Variants in ARHGAP23 observed in about 807,000 individuals in gnomAD.
The protein encoded by ARHGAP23 is rho GTPase-activating protein 23.
A neutral mutation model predicts 136.3 loss-of-function variants in ARHGAP23; 34 were observed. The ratio of observed to expected loss-of-function variants is 0.25; its 90% CI spans 0.19 to 0.33. The LOEUF (loss-of-function observed/expected upper bound fraction) is 0.33. Ranked by LOEUF, ARHGAP23 falls within the 10% of genes least tolerant of loss-of-function variation. The pLI, the probability that ARHGAP23 is intolerant of heterozygous loss-of-function variation, is 1.00. For synonymous variants in ARHGAP23, 832 were observed against 920.5 expected (o/e 0.90, Z 1.74); for missense variants, 1,808 against 2,139.0 (o/e 0.85, Z 3.05).
rs2040761647 is a variant in ARHGAP23 at position 38,511,339 on chromosome 17, A to G, written c.*367A>G. On this transcript the variant is annotated 3_prime_UTR_variant, in exon 24 of 24. Transcript: ENST00000622683. ...AGGGAACCCCTAAGTTTCAGACTAA[A>G]GGAAAGATCCTGGGTGATGCTGGCT... 1 of 239,982 alleles carries G rather than the reference A, an allele frequency of 4.2e-6. No homozygotes were observed. The allele number at this position is 239,982 out of a possible 1,614,324, so 14.9% of individuals were successfully genotyped here.
At chr17:38,440,636 G>C (rs556822987) in intron 1 of ARHGAP23, among the ~76,000 whole-genome samples, 230 of 152,318 alleles carry the variant, frequency 1.5e-3, no homozygotes, top group African/African-American at 5.3e-3. Context: ...CCAGGCCCTT[G>C]GTGGCACCCA....
chr17:38,420,229 GC>G (rs1194592358), intron 1 of ARHGAP23, among the ~76,000 whole-genome samples: 2 of 152,196 alleles, frequency 1.3e-5, no homozygotes, highest in Admixed American at 6.5e-5. Context: ...CTGACTTGCA[GC>G]CCCCTGATCT....
chr17:38,424,313 A>G (rs879608730), upstream of ARHGAP23, among the ~76,000 whole-genome samples: 2 of 151,520 alleles, frequency 1.3e-5, no homozygotes, highest in African/African-American at 2.4e-5. Context: ...TCCCCACCCA[A>G]ACAGACACCT....
upstream of ARHGAP23, among the ~76,000 whole-genome samples, chr17:38,425,815 T>A (rs2038563756): frequency 6.8e-6 from 1 of 146,358 alleles, no homozygotes; most frequent in Non-Finnish European, 1.5e-5. Context: ...AGAAGATAGA[T>A]GAGGTGGGCT....
intron 1 of ARHGAP23, among the ~76,000 whole-genome samples, chr17:38,430,130 A>C (rs1423444669): frequency 6.6e-6 from 1 of 152,152 alleles, no homozygotes; most frequent in African/African-American, 2.4e-5. Flanking sequence ...AATCCTCTAC[A>C]TTCAGTGCTG....
At chr17:38,478,727 G>A (rs1393743206) in intron 12 of ARHGAP23, among the ~76,000 whole-genome samples, 1 of 151,996 alleles carries the variant, frequency 6.6e-6, no homozygotes, top group Non-Finnish European at 1.5e-5. Flanking sequence ...TTTTTTAATG[G>A]TGCCCATTGT....
intron 20 of ARHGAP23, among the ~76,000 whole-genome samples, chr17:38,493,806 G>T (rs2040331194): frequency 6.6e-6 from 1 of 152,232 alleles, no homozygotes; most frequent in African/African-American, 2.4e-5. Context: ...GATAATGGCA[G>T]AGCAGAGAGG....
chr17:38,420,399 C>G (rs2038508842), intron 1 of ARHGAP23, among the ~76,000 whole-genome samples: 1 of 152,204 alleles, frequency 6.6e-6, no homozygotes, highest in South Asian at 2.1e-4. Flanking sequence ...GCTCAGCCGC[C>G]CTAACTCCCT....
At chr17:38,481,285 T>C (rs1341935356) in intron 14 of ARHGAP23, among the ~76,000 whole-genome samples, 1 of 152,234 alleles carries the variant, frequency 6.6e-6, no homozygotes, top group East Asian at 1.9e-4. Flanking sequence ...TAGCTGGGAC[T>C]ACAGGCGCCC....
intron 1 of ARHGAP23, among the ~76,000 whole-genome samples, chr17:38,437,610 C>CT (rs1284383170): frequency 7.3e-6 from 1 of 137,276 alleles, no homozygotes; most frequent in African/African-American, 3.0e-5. Flanking sequence ...GAGCAAGACC[C>CT]TACCCACCCC....
In ARHGAP23 at chr17:38,469,633, G is replaced by A. The variant is rs2039697595; in HGVS notation, c.1914G>A (p.Leu638=). 2 of 1,548,554 alleles carry A rather than the reference G, an allele frequency of 1.3e-6. No homozygotes were observed. The highest frequency in any genetic ancestry group is 1.4e-5 in the African/African-American group (1 of 72,978). The change falls in exon 9 of 24, where the codon CTG becomes CTA. Residue 638 remains leucine, a splice_region_variant and synonymous_variant. Transcript: ENST00000622683. Reference sequence around the variant, plus strand: ...CCTTCCGCGACGAGGGCCGGGTTCTGCGGTGAGGCCCTGTCCGGACACGGG... The same window carrying A: ...CCTTCCGCGACGAGGGCCGGGTTCTACGGTGAGGCCCTGTCCGGACACGGG... ...LNTFRDEGRV[L]RRLPNRIPSL... is the part of the protein sequence containing the mutation.
In ARHGAP23 at chr17:38,467,247, G is replaced by A; in HGVS notation, c.1564G>A (p.Ala522Thr). The part of the protein sequence containing the change: ...GFGDESPEPE[A>T]SGRGERLGRK... ...TGGTGACGAGTCCCCAGAGCCAGAG[G>A]CCAGTGGGCGAGGGGAACGCCTGGG... Residue 522 changes from alanine to threonine, a missense_variant, in exon 7 of 24, where the codon GCC becomes ACC. Coordinates refer to ENST00000622683, the MANE Select transcript of ARHGAP23 (RefSeq NM_001199417.2). The A allele has an allele frequency of 1.9e-6, 3 of 1,550,454 alleles. No homozygotes were observed. Among genetic ancestry groups the A allele is most frequent in the Non-Finnish European group, 2.6e-6 (3 of 1,146,252 alleles).
At chr17:38,428,463 C>T (rs1597731736), upstream of ARHGAP23, 14 of 1,426,918 alleles carry the variant, frequency 9.8e-6, no homozygotes, top group African/African-American at 7.4e-5. Flanking sequence ...GTGCCCCGGC[C>T]GCAGAGCCGC....
chr17:38,482,811 C>CCAAGATGGG, intron 16 of ARHGAP23, 133 bp downstream of exon 16: 2 of 1,141,072 alleles, frequency 1.8e-6, no homozygotes, highest in Non-Finnish European at 2.4e-6. Flanking sequence ...GTCCAGAACA[C>CCAAGATGGG]CAAGATGGGC....
At chr17:38,493,429 C>T (rs761131683) in intron 20 of ARHGAP23, among the ~76,000 whole-genome samples, 21 of 152,208 alleles carry the variant, frequency 1.4e-4, no homozygotes, top group Non-Finnish European at 2.2e-4. Flanking sequence ...TGGACTCAAG[C>T]GATCCTCCCA....
chr17:38,510,568 CCGG>C lies in ARHGAP23; in HGVS notation c.4081_4083del (p.Ala1361del), dbSNP rs1261983817. The C allele has an allele frequency of 8.1e-7, 1 of 1,241,228 alleles. No homozygotes were observed. Among genetic ancestry groups the C allele is most frequent in the South Asian group, 3.2e-5 (1 of 31,590 alleles). The allele number at this position is 1,241,228 out of a possible 1,614,324, so 76.9% of individuals were successfully genotyped here. On this transcript the variant is annotated inframe_deletion, in exon 24 of 24. Coordinates refer to ENST00000622683, the MANE Select transcript of ARHGAP23 (RefSeq NM_001199417.2). This position sits in a 1 kb window ranked among gnomAD's most constrained non-coding sequence, Gnocchi z 4.6. ...CAGCAGCCAGGAGTCGCTGCGGCCC[CCGG>C]CGGCGGCGCTGGCCTCCCGGCCCTC...
At chr17:38,441,110 T>C (rs1393963031) in intron 1 of ARHGAP23, among the ~76,000 whole-genome samples, 1 of 152,246 alleles carries the variant, frequency 6.6e-6, no homozygotes, top group Non-Finnish European at 1.5e-5. Flanking sequence ...ATTCGGCCTA[T>C]GCTCCCAGCC....
intron 11 of ARHGAP23, among the ~76,000 whole-genome samples, chr17:38,476,141 G>A (rs756227178): frequency 1.3e-5 from 2 of 152,228 alleles, no homozygotes; most frequent in Non-Finnish European, 2.9e-5. Context: ...GGGATCCCTT[G>A]AGAGGATGCT....
Position 38,453,454 on chromosome 17 carries a change from TGTGTGTGCGC to T in ARHGAP23, c.64-4646_64-4637del, listed in dbSNP as rs1567787047. On this transcript the variant is annotated intron_variant, in intron 1 of 23. Transcript: ENST00000622683. ...GTGTGTGTGTGTGTGTGTGTGTGTG[TGTGTGTGCGC>T]GCGCGCGCTGGAAGGGTGCAAGGTG... Among the ~76,000 whole-genome samples, 3 of 115,314 alleles carry T rather than the reference TGTGTGTGCGC, an allele frequency of 2.6e-5. No homozygotes were observed. In the East Asian group the frequency reaches 8.1e-4, roughly 31 times the overall value. The allele number at this position is 115,314 out of a possible 152,430, so 75.7% of individuals were successfully genotyped here.
Sources: allele counts gnomAD v4.1 joint callset (sites outside exome capture counted in the v4.1 genomes callset), GRCh38; gene constraint gnomAD v4.1.1; non-coding constraint Gnocchi (gnomAD v3.1); transcripts MANE v1.5; gene names NCBI Gene and HGNC (gene_info 2026-07-23, HGNC 2026-07-21).